ATP2B2: variants seen among roughly 807,000 people sequenced by gnomAD.
ATP2B2 encodes plasma membrane calcium-transporting ATPase 2.
In ATP2B2, 15 loss-of-function variants were observed where a neutral mutation model predicts 120.0. The ratio of observed to expected loss-of-function variants is 0.12; its 90% CI spans 0.08 to 0.19. The LOEUF is 0.19. ATP2B2 is among the 10% of genes least tolerant of loss of function. The pLI, the probability that ATP2B2 is intolerant of heterozygous loss-of-function variation, is 1.00. For synonymous variants in ATP2B2, 694 were observed against 700.3 expected (o/e 0.99, Z 0.14); for missense variants, 1,045 against 1,719.8 (o/e 0.61, Z 6.94).
chr3:10,570,691 C>T (rs558434428), intron 2 of ATP2B2, among the ~76,000 whole-genome samples: 5 of 152,194 alleles, frequency 3.3e-5, no homozygotes, highest in African/African-American at 9.7e-5. Flanking sequence ...ACCCCTCTGG[C>T]GTGTTGAGCA....
chr3:10,428,204 C>T (rs2063202792), intron 2 of ATP2B2, among the ~76,000 whole-genome samples: 1 of 152,166 alleles, frequency 6.6e-6, no homozygotes, highest in Non-Finnish European at 1.5e-5. Flanking sequence ...AACCCTAGAA[C>T]CCATCTCGCT....
In ATP2B2 at chr3:10,402,277, T is replaced by C; in HGVS notation, c.469A>G (p.Ile157Val). 6.2e-7 allele frequency: 1 copy of C among 1,614,092 alleles called. No homozygotes were observed. The highest frequency in any genetic ancestry group is 1.1e-5 in the South Asian group (1 of 91,084). ...ACCACACAGATAACTGAGAGGAGAA[T>C]GGCGGCCCCCTCGATCCAACCTGCC... The part of the protein sequence containing the change: ...AEAGWIEGAA[I>V]LLSVICVVLV... The change falls in exon 4 of 23, where the codon ATT (isoleucine) becomes GTT (valine). Residue 157 changes from isoleucine (I) to valine (V), a missense_variant. This residue lies in a region of ATP2B2 where 30 missense variants were observed against 66.7 expected (regional missense o/e 0.45). Coordinates refer to ENST00000360273, the MANE Select transcript of ATP2B2 (RefSeq NM_001001331.4). This position sits in a 1 kb window ranked among gnomAD's most constrained non-coding sequence, Gnocchi z 4.9.
At chr3:10,700,283 C>T (rs2071797777) in intron 1 of ATP2B2, among the ~76,000 whole-genome samples, 1 of 152,134 alleles carries the variant, frequency 6.6e-6, no homozygotes, top group Non-Finnish European at 1.5e-5. Flanking sequence ...AAGTGTTCTG[C>T]CTTCTGTGCC....
At chr3:10,646,808 G>T (rs1240772110) in intron 1 of ATP2B2, among the ~76,000 whole-genome samples, 1 of 152,164 alleles carries the variant, frequency 6.6e-6, no homozygotes, top group Non-Finnish European at 1.5e-5. Context: ...TGTTTGAGGC[G>T]CTCCACTAAG....
At chr3:10,333,510 C>A (rs910458255) in intron 22 of ATP2B2, among the ~76,000 whole-genome samples, 1 of 152,098 alleles carries the variant, frequency 6.6e-6, no homozygotes, top group African/African-American at 2.4e-5. Flanking sequence ...GGAGGCAGCA[C>A]TGTTGTAGAC....
intron 1 of ATP2B2, among the ~76,000 whole-genome samples, chr3:10,646,712 A>G (rs13065552): frequency 0.81 from 123,470 of 152,144 alleles, 50,726 homozygotes; most frequent in African/African-American, 0.95. Context: ...CCTTGAGAAA[A>G]ATTTTTCTGA....
chr3:10,532,880 G>C (rs1458644031), intron 3 of ATP2B2, among the ~76,000 whole-genome samples: 1 of 152,220 alleles, frequency 6.6e-6, no homozygotes, highest in African/African-American at 2.4e-5. Context: ...TGCACAGTTA[G>C]AAGCTCAGGG....
At chr3:10,644,991 C>T (rs749694075) in intron 1 of ATP2B2, among the ~76,000 whole-genome samples, 23 of 152,158 alleles carry the variant, frequency 1.5e-4, no homozygotes, top group Non-Finnish European at 3.1e-4. Flanking sequence ...AGAGAATTCT[C>T]TCTTCTTAGG....
At chr3:10,425,303 C>T (rs1474297866) in intron 2 of ATP2B2, among the ~76,000 whole-genome samples, 1 of 149,772 alleles carries the variant, frequency 6.7e-6, no homozygotes, top group African/African-American at 2.5e-5. Context: ...GAGCGAGATG[C>T]TGTCTCAAAA....
chr3:10,614,623 G>A (rs1230635366), intron 2 of ATP2B2, among the ~76,000 whole-genome samples: 1 of 152,178 alleles, frequency 6.6e-6, no homozygotes, highest in Non-Finnish European at 1.5e-5. Context: ...GCTTTGGCAA[G>A]TGGCCTCCCC....
chr3:10,376,367 A>G (rs2061380400), intron 10 of ATP2B2, among the ~76,000 whole-genome samples: 1 of 152,162 alleles, frequency 6.6e-6, no homozygotes, highest in Non-Finnish European at 1.5e-5. Flanking sequence ...GTGGTATTTG[A>G]GCAGACACCA....
intron 19 of ATP2B2, among the ~76,000 whole-genome samples, chr3:10,341,239 C>G (rs2060266796): frequency 6.6e-6 from 1 of 152,298 alleles, no homozygotes; most frequent in South Asian, 2.1e-4. Context: ...AACACCTGAG[C>G]TGTCACATGG....
chr3:10,666,336 C>CT (rs1375071079), intron 1 of ATP2B2, among the ~76,000 whole-genome samples: 1 of 152,250 alleles, frequency 6.6e-6, no homozygotes, highest in African/African-American at 2.4e-5. Flanking sequence ...CACCCCTGGC[C>CT]TTGAGCCAGA....
chr3:10,691,911 C>T (rs1192400965), intron 1 of ATP2B2, among the ~76,000 whole-genome samples: 1 of 152,210 alleles, frequency 6.6e-6, no homozygotes. Flanking sequence ...AGCTTTCCCA[C>T]ATATCTTGCT....
intron 4 of ATP2B2, among the ~76,000 whole-genome samples, chr3:10,401,776 C>CT (rs2062228563): frequency 6.6e-6 from 1 of 152,228 alleles, no homozygotes; most frequent in South Asian, 2.1e-4. Flanking sequence ...GAGTGCTGTG[C>CT]TGAGAAGGCT....
Position 10,375,718 on chromosome 3 carries a change from G to A in ATP2B2, c.1202-74C>T. 7.3e-7 allele frequency: 1 copy of A among 1,372,084 alleles called. No homozygotes were observed. The highest frequency in any genetic ancestry group is 1.0e-6 in the Non-Finnish European group (1 of 975,542). 85.0% of individuals were successfully genotyped at this position (1,372,084 alleles called of 1,614,324 possible). A position where few individuals can be genotyped will look rare whatever the true frequency, so the allele number is the denominator to read the frequency against. ...GGGGGTGGTGTGGACCAAATCTTTG[G>A]CTGAAAGAGCTCCGGGTCAGGCTGA... On this transcript the variant is annotated intron_variant, in intron 10 of 22. Coordinates refer to ENST00000360273, the MANE Select transcript of ATP2B2 (RefSeq NM_001001331.4). The surrounding 1 kb of genome is among the most constrained non-coding windows in gnomAD (Gnocchi z 4.2).
rs34189325 is a variant in ATP2B2, at chr3:10,490,400, C to CT, written c.-320+15064dup. The stretch of plus-strand genomic sequence containing the variant: ...ACAATACATGTCAGTCCACGGCATT[C>CT]TTTTTTTTTTTTTTTTTCTCTGAGA... On this transcript the variant is annotated intron_variant, in intron 1 of 22. Coordinates refer to ENST00000360273, the MANE Select transcript of ATP2B2 (RefSeq NM_001001331.4). Among the ~76,000 whole-genome samples, 477 of 136,820 alleles carry CT rather than the reference C, an allele frequency of 3.5e-3. 19 individuals carry two copies. The highest frequency in any genetic ancestry group is 0.016 in the South Asian group (67 of 4,320). The allele number at this position is 136,820 out of a possible 152,430, so 89.8% of individuals were successfully genotyped here. A position where few individuals can be genotyped will look rare whatever the true frequency, so the allele number is the denominator to read the frequency against.
chr3:10,650,284 T>C (rs1473854694), intron 1 of ATP2B2, among the ~76,000 whole-genome samples: 1 of 152,248 alleles, frequency 6.6e-6, no homozygotes, highest in Non-Finnish European at 1.5e-5. Flanking sequence ...ACTCTTGTTA[T>C]GTTTTAGCAA....
chr3:10,379,590 C>T (rs2061474947), intron 8 of ATP2B2, among the ~76,000 whole-genome samples: 1 of 152,142 alleles, frequency 6.6e-6, no homozygotes, highest in South Asian at 2.1e-4. Flanking sequence ...TCAGAGGGTG[C>T]AGGGGATTAG....
Sources: gnomAD v4.1 joint callset for allele counts (sites outside exome capture counted in the v4.1 genomes callset) on GRCh38, gnomAD v4.1.1 for gene constraint, gnomAD v4.1.1 regional missense constraint, Gnocchi (gnomAD v3.1) non-coding constraint, MANE v1.5 for transcripts, NCBI Gene and HGNC (gene_info 2026-07-23, HGNC 2026-07-21) for gene names.